COL4A3: variants seen among roughly 807,000 people sequenced by gnomAD.
The protein encoded by COL4A3 is collagen alpha-3(IV) chain.
A neutral mutation model predicts 217.4 loss-of-function variants in COL4A3; 135 were observed. The observed-to-expected ratio is 0.62, with a 90% CI of 0.54 to 0.72. The LOEUF is 0.72. Among genes scored for constraint, COL4A3 ranks in the 30% least tolerant of loss-of-function variants. The pLI is 0.00. For missense variants in COL4A3, 1,868 were observed against 2,119.9 expected, an observed-to-expected ratio of 0.88 and a Z score of 2.33; for synonymous variants, 690 against 736.3, an observed-to-expected ratio of 0.94 and a Z score of 1.02.
intron 25 of COL4A3, among the ~76,000 whole-genome samples, chr2:227,271,903 T>C (rs140071159): frequency 6.6e-6 from 1 of 152,356 alleles, no homozygotes; most frequent in Admixed American, 6.5e-5. Context: ...GGCTAATCTG[T>C]GTTAGCCAAT....
chr2:227,198,383 TA>T lies in COL4A3; in HGVS notation c.87+33575del, dbSNP rs544161963. On this transcript the variant is annotated intron_variant, in intron 1 of 51. Coordinates refer to ENST00000396578, the MANE Select transcript of COL4A3 (RefSeq NM_000091.5). ...TTTCCAAATTGTAGCAATACTTATT[TA>T]AAAATTCAAATATAGTATATCATTT... is the stretch of plus-strand genomic sequence containing the variant. 7.2e-5 allele frequency among the ~76,000 whole-genome samples: 11 copies of T among 152,294 alleles called. No individual in the cohort carries two copies. The East Asian group carries it at 1.9e-3, about 27-fold the overall frequency.
chr2:227,224,525 T>G (rs1025626244), intron 1 of COL4A3, among the ~76,000 whole-genome samples: 1 of 152,120 alleles, frequency 6.6e-6, no homozygotes, highest in Non-Finnish European at 1.5e-5. Flanking sequence ...CCAAGGCGGG[T>G]GGATCACCTG....
At chr2:227,216,572 G>A (rs551424507) in intron 1 of COL4A3, among the ~76,000 whole-genome samples, 6 of 152,186 alleles carry the variant, frequency 3.9e-5, no homozygotes, top group Middle Eastern at 3.4e-3. Context: ...TAGAAAGAAA[G>A]GAAGGTAGAA....
intron 1 of COL4A3, among the ~76,000 whole-genome samples, chr2:227,231,063 A>C (rs983162856): frequency 6.6e-6 from 1 of 152,248 alleles, no homozygotes; most frequent in Non-Finnish European, 1.5e-5. Flanking sequence ...CAGTTCCACT[A>C]ACGCAGGCAT....
chr2:227,244,468 T>C, intron 4 of COL4A3, 104 bp downstream of exon 4: 8 of 1,132,818 alleles, frequency 7.1e-6, no homozygotes, highest in Admixed American at 3.6e-5. Context: ...GTTCCATAGA[T>C]GAAGTTCAAG....
intron 5 of COL4A3, among the ~76,000 whole-genome samples, chr2:227,245,436 T>C (rs2069274613): frequency 1.3e-5 from 2 of 152,212 alleles, no homozygotes; most frequent in African/African-American, 2.4e-5. Flanking sequence ...GGAGGATATG[T>C]ATAAGTCATG....
At chr2:227,244,804 G>C in intron 4 of COL4A3, 147 bp from the exon 5 acceptor site, 3 of 842,208 alleles carry the variant, frequency 3.6e-6, no homozygotes, top group Non-Finnish European at 6.2e-6. Context: ...TAAACCTTTA[G>C]TATTTGTTTT....
At chr2:227,182,982 C>T (rs946949321) in intron 1 of COL4A3, among the ~76,000 whole-genome samples, 3 of 152,156 alleles carry the variant, frequency 2.0e-5, no homozygotes, top group African/African-American at 7.2e-5. Flanking sequence ...ATAAAGTTCA[C>T]CTTCACAAAG....
chr2:227,256,648 G>A, intron 17 of COL4A3: 1 of 666,892 alleles, frequency 1.5e-6, no homozygotes, highest in Non-Finnish European at 2.8e-6. Context: ...TGAGAGTGCA[G>A]CTTCCCATGA....
At chr2:227,234,749 C>A (rs2068598509) in intron 1 of COL4A3, among the ~76,000 whole-genome samples, 1 of 152,222 alleles carries the variant, frequency 6.6e-6, no homozygotes, top group Non-Finnish European at 1.5e-5. Flanking sequence ...GATCAACAAA[C>A]ACTTGCTTAA....
At chr2:227,207,709 T>C (rs1252677285) in intron 1 of COL4A3, among the ~76,000 whole-genome samples, 3 of 152,184 alleles carry the variant, frequency 2.0e-5, no homozygotes, top group African/African-American at 7.2e-5. Context: ...AGGTTGTAAA[T>C]GTGGCCAAAA....
chr2:227,252,586 GCACACACACACA>G (rs59472907), intron 11 of COL4A3, among the ~76,000 whole-genome samples: 47 of 146,276 alleles, frequency 3.2e-4, no homozygotes, highest in African/African-American at 9.0e-4. Context: ...ACACACAAAT[GCACACACACACA>G]CACACACACA....
chr2:227,172,358 G>A (rs1056436597), intron 1 of COL4A3, among the ~76,000 whole-genome samples: 7 of 152,080 alleles, frequency 4.6e-5, no homozygotes, highest in African/African-American at 1.7e-4. Flanking sequence ...GCTACCTACA[G>A]TAACAAAATG....
At chr2:227,179,552 T>C (rs2125667789) in intron 1 of COL4A3, among the ~76,000 whole-genome samples, 1 of 152,332 alleles carries the variant, frequency 6.6e-6, no homozygotes, top group African/African-American at 2.4e-5. Flanking sequence ...CAGTTGGTAT[T>C]TTATTAGATA....
chr2:227,294,390 G>A (rs2072928662), intron 38 of COL4A3, 100 bp from the exon 39 acceptor site: 8 of 858,984 alleles, frequency 9.3e-6, no homozygotes, highest in South Asian at 7.9e-5. Context: ...TAAGGCCAGC[G>A]TGAGCATGGT....
intron 1 of COL4A3, among the ~76,000 whole-genome samples, chr2:227,204,389 G>C (rs890948124): frequency 1.3e-5 from 2 of 151,538 alleles, no homozygotes; most frequent in African/African-American, 2.4e-5. Flanking sequence ...TCTATCTTAT[G>C]TTCTCACTAT....
At chr2:227,240,575 C>A (rs1016502326) in intron 3 of COL4A3, among the ~76,000 whole-genome samples, 2 of 152,218 alleles carry the variant, frequency 1.3e-5, no homozygotes, top group African/African-American at 4.8e-5. Flanking sequence ...TGTGCCCCAT[C>A]TTTGGGATTC....
chr2:227,292,245 G>GA (rs906422040), intron 37 of COL4A3, among the ~76,000 whole-genome samples: 4 of 151,946 alleles, frequency 2.6e-5, no homozygotes, highest in East Asian at 1.9e-4. Flanking sequence ...GCTAAAACAA[G>GA]AAAAAAATTT....
At chr2:227,268,834 G>A (rs916419916) in intron 23 of COL4A3, 1 of 152,176 alleles carries the variant, frequency 6.6e-6, no homozygotes, top group Admixed American at 6.5e-5. Flanking sequence ...AATAATAAAA[G>A]ATAAAAAATC....
Sources: allele counts gnomAD v4.1 joint callset (sites outside exome capture counted in the v4.1 genomes callset), GRCh38; gene constraint gnomAD v4.1.1; transcripts MANE v1.5; gene names NCBI Gene and HGNC (gene_info 2026-07-23, HGNC 2026-07-21).